Variants in RAPGEF2 observed in about 807,000 individuals in gnomAD.
RAPGEF2 encodes Rap guanine nucleotide exchange factor 2, also known as PDZ domain containing guanine nucleotide exchange factor (GEF) 1.
A neutral mutation model predicts 186.7 loss-of-function variants in RAPGEF2; 54 were observed. The ratio of observed to expected loss-of-function variants is 0.29; its 90% CI spans 0.23 to 0.36. The LOEUF (loss-of-function observed/expected upper bound fraction) is 0.36. Among genes scored for constraint, RAPGEF2 ranks in the 10% least tolerant of loss-of-function variants. RAPGEF2 has a pLI of 1.00. For missense variants in RAPGEF2, 1,532 were observed against 2,045.0 expected, an observed-to-expected ratio of 0.75 and a Z score of 4.84; for synonymous variants, 712 against 705.9, an observed-to-expected ratio of 1.01 and a Z score of -0.14.
chr4:159,279,063 A>C (rs1189499706), intron 7 of RAPGEF2, among the ~76,000 whole-genome samples: 1 of 152,108 alleles, frequency 6.6e-6, no homozygotes, highest in Admixed American at 6.5e-5. Flanking sequence ...TTACTAGTTC[A>C]TTATTAGAGT....
At chr4:159,147,943 A>G (rs185244955) in intron 1 of RAPGEF2, among the ~76,000 whole-genome samples, 74 of 152,328 alleles carry the variant, frequency 4.9e-4, no homozygotes, top group Admixed American at 3.0e-3. Context: ...GGCCCTCACA[A>G]ATGTTTTAAA....
At chr4:159,224,692 C>T (rs1467100955) in intron 4 of RAPGEF2, among the ~76,000 whole-genome samples, 1 of 152,072 alleles carries the variant, frequency 6.6e-6, no homozygotes, top group South Asian at 2.1e-4. Flanking sequence ...ACTTTAAAAT[C>T]GATGTGTAAC....
chr4:159,212,144 A>G (rs1196079919), intron 4 of RAPGEF2, among the ~76,000 whole-genome samples: 1 of 152,180 alleles, frequency 6.6e-6, no homozygotes, highest in Non-Finnish European at 1.5e-5. Context: ...CCTCCTGGAA[A>G]TCTGCCTAGA....
intron 7 of RAPGEF2, among the ~76,000 whole-genome samples, chr4:159,274,804 A>G (rs909028215): frequency 1.3e-5 from 2 of 152,216 alleles, no homozygotes; most frequent in African/African-American, 4.8e-5. Context: ...GAATGTAGAT[A>G]TAAATTTGCT....
In RAPGEF2 at chr4:159,128,355, A is replaced by G. The variant is rs537297769; in HGVS notation, c.69+24124A>G. The stretch of plus-strand genomic sequence containing the variant: ...TTTTCTCACCTGTAAAATGGAACAC[A>G]ATGCTTTCCATACCTATTTTCAGGG... On this transcript the variant is annotated intron_variant, in intron 1 of 29. Transcript: ENST00000691494. Among the ~76,000 whole-genome samples, 53 of 152,252 alleles carry G rather than the reference A, an allele frequency of 3.5e-4. 2 individuals are homozygous for G. The South Asian group carries it at 0.011, about 31-fold the overall frequency.
intron 1 of RAPGEF2, among the ~76,000 whole-genome samples, chr4:159,124,679 C>CAAAG (rs1283879694): frequency 2.0e-5 from 3 of 152,136 alleles, no homozygotes; most frequent in African/African-American, 7.2e-5. Context: ...ACAGCTAAGA[C>CAAAG]AAAGCTCTTT....
At chr4:159,113,690 C>T (rs545161627) in intron 1 of RAPGEF2, among the ~76,000 whole-genome samples, 2 of 146,224 alleles carry the variant, frequency 1.4e-5, no homozygotes, top group Non-Finnish European at 3.0e-5. Context: ...TGCAGTGAGC[C>T]GAGATTGCAC....
At chr4:159,341,517 A>G in intron 19 of RAPGEF2, 47 bp from the exon 20 acceptor site, 1 of 1,516,040 alleles carries the variant, frequency 6.6e-7, no homozygotes, top group Non-Finnish European at 8.8e-7. Flanking sequence ...GAATATCATG[A>G]GATTGCTGCT....
intron 7 of RAPGEF2, among the ~76,000 whole-genome samples, chr4:159,254,822 A>T (rs1242241171): frequency 6.6e-6 from 1 of 151,994 alleles, no homozygotes; most frequent in African/African-American, 2.4e-5. Context: ...GCTGGTCTCG[A>T]ACTCTTAACC....
intron 23 of RAPGEF2, 45 bp from the exon 24 acceptor site, chr4:159,345,061 C>A: frequency 6.7e-7 from 1 of 1,492,012 alleles, no homozygotes; most frequent in Non-Finnish European, 9.3e-7. Flanking sequence ...AGATAAAGTA[C>A]TCCCATGCTA....
chr4:159,311,352 T>G (rs761300019), intron 8 of RAPGEF2, among the ~76,000 whole-genome samples: 4 of 152,142 alleles, frequency 2.6e-5, no homozygotes, highest in Admixed American at 6.6e-5. Context: ...AGTGTGGTGT[T>G]TAACAGAATT....
At chr4:159,267,854 T>A (rs760520208) in intron 7 of RAPGEF2, 18 of 1,086,744 alleles carry the variant, frequency 1.7e-5, no homozygotes, top group Non-Finnish European at 1.9e-5. Flanking sequence ...AGAAATGATC[T>A]TGTTCTCTTG....
chr4:159,312,702 A>G (rs560855778), intron 8 of RAPGEF2, among the ~76,000 whole-genome samples: 33 of 152,308 alleles, frequency 2.2e-4, no homozygotes, highest in African/African-American at 6.3e-4. Context: ...TAAATAATAT[A>G]TGCATTTTAG....
At position 159,240,130 on chromosome 4, in the gene RAPGEF2, C is replaced by G. The variant is rs186320321; in HGVS notation, c.358-1071C>G. Among the ~76,000 whole-genome samples the G allele has an allele frequency of 2.0e-4, 31 of 152,204 alleles. No individual in the cohort carries two copies. In the East Asian group the frequency reaches 6.0e-3, roughly 29 times the overall value. ...AGATATTTCCTTGAGATTTTGCCCT[C>G]TGTTAATGCTACTTTTAGATTTCTC... On this transcript the variant is annotated intron_variant, in intron 5 of 29. Coordinates refer to ENST00000691494, the MANE Select transcript of RAPGEF2 (RefSeq NM_001394067.2).
Position 159,279,143 on chromosome 4 carries a change from C to T in RAPGEF2, c.544-25199C>T, listed in dbSNP as rs188323482. ...CCTTTGTTCCAGGCAGTGTTCGAAA[C>T]TCTTCATTTATGATCTCATTGAATC... On this transcript the variant is annotated intron_variant, in intron 7 of 29. Coordinates refer to ENST00000691494, the MANE Select transcript of RAPGEF2 (RefSeq NM_001394067.2). Among the ~76,000 whole-genome samples, 28 of 152,320 alleles carry T rather than the reference C, an allele frequency of 1.8e-4. No individual in the cohort carries two copies. The East Asian group carries it at 1.9e-3, about 10-fold the overall frequency.
At chr4:159,309,313 C>T (rs573000166) in intron 8 of RAPGEF2, among the ~76,000 whole-genome samples, 214 of 152,234 alleles carry the variant, frequency 1.4e-3, no homozygotes, top group Non-Finnish European at 2.2e-3. Context: ...CCTTCCTAGA[C>T]GCCAATTGAA....
chr4:159,165,085 G>C (rs963072480), intron 1 of RAPGEF2, among the ~76,000 whole-genome samples: 5 of 152,018 alleles, frequency 3.3e-5, no homozygotes, highest in Non-Finnish European at 7.4e-5. Context: ...TTTGGGGAAG[G>C]GGAAAAGGTC....
intron 7 of RAPGEF2, among the ~76,000 whole-genome samples, chr4:159,298,263 T>C (rs886201141): frequency 6.6e-6 from 1 of 152,176 alleles, no homozygotes; most frequent in African/African-American, 2.4e-5. Flanking sequence ...GCAAAATAAA[T>C]TTTATATTTT....
chr4:159,219,576 T>C (rs985527587), intron 4 of RAPGEF2, among the ~76,000 whole-genome samples: 6 of 152,070 alleles, frequency 3.9e-5, no homozygotes, highest in African/African-American at 7.2e-5. Context: ...AGGATGGTCT[T>C]GATCGCCTGA....
Sources: allele counts gnomAD v4.1 joint callset (sites outside exome capture counted in the v4.1 genomes callset), GRCh38; gene constraint gnomAD v4.1.1; transcripts MANE v1.5; gene names NCBI Gene and HGNC (gene_info 2026-07-23, HGNC 2026-07-21).